Variants in KCNMA1 observed in about 807,000 individuals in gnomAD.
The protein encoded by KCNMA1 is Calcium-activated potassium channel subunit alpha-1.
Under a neutral mutation model 140.0 loss-of-function variants are expected in KCNMA1, and 29 were observed. The ratio of observed to expected loss-of-function variants is 0.21; its 90% CI spans 0.15 to 0.28. The LOEUF (loss-of-function observed/expected upper bound fraction) is 0.28, where lower values mean the gene tolerates loss of function less well. Among genes scored for constraint, KCNMA1 ranks in the 10% least tolerant of loss-of-function variants. KCNMA1 has a pLI of 1.00. For missense variants in KCNMA1, 880 were observed against 1,602.2 expected, an observed-to-expected ratio of 0.55 and a Z score of 7.70; for synonymous variants, 612 against 611.9, an observed-to-expected ratio of 1.00 and a Z score of 0.00.
Position 77,425,085 on chromosome 10 carries a change from G to GTGGA in KCNMA1, c.379-21066_379-21063dup, listed in dbSNP as rs59773000. Among the ~76,000 whole-genome samples, 1,396 of 151,120 alleles carry GTGGA rather than the reference G, an allele frequency of 9.2e-3. 25 individuals carry two copies. Among genetic ancestry groups the GTGGA allele is most frequent in the African/African-American group, 0.03 (1,221 of 40,856 alleles). Reference sequence around the variant, plus strand: ...GGTGGATGGATGGGTGGATGGATGAGTGGATGGATGGATGGATGGATGAGT... The same window carrying GTGGA: ...GGTGGATGGATGGGTGGATGGATGAGTGGATGGATGGATGGATGGATGGATGAGT... On this transcript the variant is annotated intron_variant, in intron 1 of 27. Coordinates refer to ENST00000286628, the MANE Select transcript of KCNMA1 (RefSeq NM_001161352.2).
At chr10:77,613,243 G>A (rs956052814) in intron 1 of KCNMA1, among the ~76,000 whole-genome samples, 38 of 152,112 alleles carry the variant, frequency 2.5e-4, no homozygotes, top group Non-Finnish European at 7.3e-5. Context: ...GTAGCTCCCT[G>A]GACCCAACCT....
intron 1 of KCNMA1, among the ~76,000 whole-genome samples, chr10:77,609,496 T>C (rs1371535667): frequency 2.6e-5 from 4 of 152,198 alleles, no homozygotes; most frequent in African/African-American, 9.6e-5. Flanking sequence ...ACAGGAGGAA[T>C]AAATTCAAGA....
intron 5 of KCNMA1, among the ~76,000 whole-genome samples, chr10:77,182,530 G>A (rs1031926343): frequency 2.0e-5 from 3 of 152,196 alleles, no homozygotes; most frequent in African/African-American, 7.2e-5. Flanking sequence ...CAGTGATGGA[G>A]GCAAGGGGAA....
chr10:77,299,906 A>G (rs1397390751), intron 2 of KCNMA1, among the ~76,000 whole-genome samples: 1 of 152,176 alleles, frequency 6.6e-6, no homozygotes, highest in Non-Finnish European at 1.5e-5. Context: ...CAATAGAGTG[A>G]TTCTCTAACA....
chr10:77,121,195 C>T lies in KCNMA1; in HGVS notation c.809-147G>A, dbSNP rs1175649482. The T allele has an allele frequency of 4.4e-6, 3 of 677,742 alleles. No homozygotes were observed. In the Admixed American group the frequency reaches 6.5e-5, roughly 15 times the overall value. The allele number at this position is 677,742 out of a possible 1,614,324, so 42.0% of individuals were successfully genotyped here. A position where few individuals can be genotyped will look rare whatever the true frequency, so the allele number is the denominator to read the frequency against. ...ACCAGCTGGTACCTCAGACATATTCCTTCATTCTGATTCTTGACTGGTTTA... is the reference window on the plus strand; with the variant it reads ...ACCAGCTGGTACCTCAGACATATTCTTTCATTCTGATTCTTGACTGGTTTA... On this transcript the variant is annotated intron_variant, in intron 5 of 27. Transcript: ENST00000286628.
chr10:77,446,072 A>G (rs1227131643), intron 1 of KCNMA1, among the ~76,000 whole-genome samples: 2 of 151,722 alleles, frequency 1.3e-5, no homozygotes, highest in African/African-American at 4.8e-5. Context: ...GCTGGACCCT[A>G]ATCCCTGAAA....
At chr10:77,320,727 C>G (rs954909766) in intron 2 of KCNMA1, among the ~76,000 whole-genome samples, 1 of 152,160 alleles carries the variant, frequency 6.6e-6, no homozygotes, top group African/African-American at 2.4e-5. Flanking sequence ...GTAACTCTAG[C>G]CTAGGAGTTA....
chr10:77,423,740 G>C (rs2096917890), intron 1 of KCNMA1, among the ~76,000 whole-genome samples: 1 of 152,132 alleles, frequency 6.6e-6, no homozygotes, highest in Non-Finnish European at 1.5e-5. Context: ...TTATAGGGGG[G>C]ACAAAGCCAC....
Position 77,251,178 on chromosome 10 carries a change from T to G in KCNMA1, c.602+17A>C. 6.3e-7 allele frequency: 1 copy of G among 1,581,674 alleles called. No individual in the cohort carries two copies. Among genetic ancestry groups the G allele is most frequent in the Non-Finnish European group, 8.7e-7 (1 of 1,150,670 alleles). On this transcript the variant is annotated intron_variant, in intron 3 of 27. Transcript: ENST00000286628. The stretch of plus-strand genomic sequence containing the variant: ...TGTTTATGAAACGAGGGCAAGAAAG[T>G]ATATTTGAATACTCACTTTGATGAA...
chr10:77,497,069 G>T (rs1444189970), intron 1 of KCNMA1, among the ~76,000 whole-genome samples: 1 of 152,232 alleles, frequency 6.6e-6, no homozygotes, highest in East Asian at 1.9e-4. Flanking sequence ...GTCTGTGCAT[G>T]CATCTCAGAG....
At chr10:77,324,732 A>G (rs1352898143) in intron 2 of KCNMA1, among the ~76,000 whole-genome samples, 1 of 152,158 alleles carries the variant, frequency 6.6e-6, no homozygotes, top group Non-Finnish European at 1.5e-5. Flanking sequence ...TCCTAGATGC[A>G]TGCATCAGGA....
chr10:77,155,620 C>T (rs893801090), intron 5 of KCNMA1, among the ~76,000 whole-genome samples: 13 of 152,114 alleles, frequency 8.5e-5, no homozygotes, highest in African/African-American at 3.1e-4. Context: ...TCCCTGTATG[C>T]CTGAACGTCA....
Position 77,286,770 on chromosome 10 carries a change from G to C in KCNMA1, c.541-35514C>G, listed in dbSNP as rs1023000955. Among the ~76,000 whole-genome samples, 17 of 3,286 alleles carry C rather than the reference G, an allele frequency of 5.2e-3. No individual in the cohort carries two copies. The Middle Eastern group carries it at 0.38, about 72-fold the overall frequency. The allele number at this position is 3,286 out of a possible 152,430, so 2.2% of individuals were successfully genotyped here. A position where few individuals can be genotyped will look rare whatever the true frequency, so the allele number is the denominator to read the frequency against. The stretch of plus-strand genomic sequence containing the variant: ...GGGACGGTGTGTGTGTGTGTGCGGG[G>C]GGGGGGGGGGGGTTCCATTCTTACT... On this transcript the variant is annotated intron_variant, in intron 2 of 27. Coordinates refer to ENST00000286628, the MANE Select transcript of KCNMA1 (RefSeq NM_001161352.2).
chr10:77,200,575 G>A (rs943761576), intron 3 of KCNMA1, among the ~76,000 whole-genome samples: 3 of 151,792 alleles, frequency 2.0e-5, no homozygotes, highest in Non-Finnish European at 2.9e-5. Context: ...CTCCTACCAC[G>A]GCCCCCATGT....
intron 23 of KCNMA1, among the ~76,000 whole-genome samples, chr10:76,944,451 C>A (rs2063389250): frequency 1.3e-5 from 2 of 152,218 alleles, no homozygotes; most frequent in Admixed American, 6.5e-5. Flanking sequence ...CAGCCAGCTT[C>A]TTTTCAGTGC....
intron 22 of KCNMA1, among the ~76,000 whole-genome samples, chr10:76,948,057 T>C (rs1591631639): frequency 6.6e-6 from 1 of 152,102 alleles, no homozygotes; most frequent in Non-Finnish European, 1.5e-5. Context: ...CAGGCTGGAG[T>C]GCAGTGGTGC....
chr10:77,051,015 T>C (rs2095342864), intron 14 of KCNMA1, among the ~76,000 whole-genome samples: 1 of 152,226 alleles, frequency 6.6e-6, no homozygotes, highest in African/African-American at 2.4e-5. Flanking sequence ...CAGTAATAGC[T>C]GAATCTCCAT....
chr10:76,915,670 T>C (rs1220634102), intron 23 of KCNMA1, among the ~76,000 whole-genome samples: 2 of 152,172 alleles, frequency 1.3e-5, no homozygotes, highest in African/African-American at 4.8e-5. Context: ...GCCTGACTGT[T>C]ACCGTAAACC....
intron 1 of KCNMA1, among the ~76,000 whole-genome samples, chr10:77,577,882 T>C (rs183579473): frequency 7.2e-4 from 109 of 152,272 alleles, no homozygotes; most frequent in Non-Finnish European, 1.4e-3. Context: ...TGTGCCCACA[T>C]TGCACCCAGT....
Sources: gnomAD v4.1 joint callset for allele counts (sites outside exome capture counted in the v4.1 genomes callset) on GRCh38, gnomAD v4.1.1 for gene constraint, MANE v1.5 for transcripts, NCBI Gene and HGNC (gene_info 2026-07-23, HGNC 2026-07-21) for gene names.